MAP4K4: variants seen among roughly 807,000 people sequenced by gnomAD.
MAP4K4 encodes HPK/GCK-like kinase HGK.
Under a neutral mutation model 189.6 loss-of-function variants are expected in MAP4K4, and 38 were observed. That is an observed-to-expected ratio of 0.20 (90% CI 0.15 to 0.26). MAP4K4 has a LOEUF of 0.26. MAP4K4 is among the 10% of genes least tolerant of loss of function. MAP4K4 has a pLI of 1.00. For synonymous variants in MAP4K4, 610 were observed against 624.3 expected (o/e 0.98, Z 0.34); for missense variants, 1,054 against 1,726.9 (o/e 0.61, Z 6.91).
chr2:101,724,886 A>C (rs763755013), intron 2 of MAP4K4, among the ~76,000 whole-genome samples: 1 of 152,224 alleles, frequency 6.6e-6, no homozygotes, highest in South Asian at 2.1e-4. Context: ...TGGTGGTCCT[A>C]TAAGATTATA....
At chr2:101,866,492 A>G (rs1445914892) in exon 19 of MAP4K4, 4 of 1,613,730 alleles carry the variant, frequency 2.5e-6, no homozygotes, top group Non-Finnish European at 3.4e-6. Flanking sequence ...TGGCAGTGGC[A>G]GCTCCTCAGG....
intron 9 of MAP4K4, among the ~76,000 whole-genome samples, chr2:101,838,502 T>A (rs953304390): frequency 1.3e-5 from 2 of 152,248 alleles, no homozygotes; most frequent in African/African-American, 4.8e-5. Context: ...AACACTTCCC[T>A]ACTTTTGTTC....
rs1412077972 is a variant in MAP4K4, at chr2:101,740,354, C to T, written c.123+41816C>T. Among the ~76,000 whole-genome samples, 4 of 107,628 alleles carry T rather than the reference C, an allele frequency of 3.7e-5. 1 individual carries two copies. Among genetic ancestry groups the T allele is most frequent in the African/African-American group, 2.1e-4 (2 of 9,310 alleles). 70.6% of individuals were successfully genotyped at this position (107,628 alleles called of 152,430 possible). On this transcript the variant is annotated intron_variant, in intron 2 of 32. Transcript: ENST00000324219. The stretch of plus-strand genomic sequence containing the variant: ...ATTTTTAGTAGAGACGGGGTTTCAC[C>T]GTTTTTAGCCGGGATGGTCTCGATC...
chr2:101,729,752 C>T (rs762617569), intron 2 of MAP4K4, among the ~76,000 whole-genome samples: 21 of 152,176 alleles, frequency 1.4e-4, no homozygotes, highest in Non-Finnish European at 2.8e-4. Context: ...CCCACACCAC[C>T]CGCTCCTTGA....
intron 2 of MAP4K4, among the ~76,000 whole-genome samples, chr2:101,763,797 A>G (rs946168173): frequency 6.6e-6 from 1 of 152,210 alleles, no homozygotes; most frequent in Non-Finnish European, 1.5e-5. Context: ...TTGCTGTGAA[A>G]TACAGTTATT....
At chr2:101,759,223 G>A (rs1004530181) in intron 2 of MAP4K4, among the ~76,000 whole-genome samples, 34 of 151,800 alleles carry the variant, frequency 2.2e-4, no homozygotes, top group African/African-American at 7.5e-4. Flanking sequence ...GTTAGGTTAG[G>A]CTTTTCTCTC....
chr2:101,856,009 G>GC lies in MAP4K4; in HGVS notation c.1267dup (p.Gln423ProfsTer4). On this transcript the variant is annotated frameshift_variant, in exon 13 of 33. Transcript: ENST00000324219. LOFTEE classifies it high-confidence loss of function. ...GGAGAGAGCGGGAAGCTAGAAGGCA[G>GC]CAGGAACGTGAACAGCGAAGGAGAG... The GC allele has an allele frequency of 6.4e-7, 1 of 1,551,552 alleles. No individual in the cohort carries two copies. The highest frequency in any genetic ancestry group is 8.7e-7 in the Non-Finnish European group (1 of 1,146,912).
exon 33 of MAP4K4, chr2:101,893,849 G>A (rs933943117): frequency 6.5e-6 from 1 of 152,816 alleles, no homozygotes; most frequent in African/African-American, 2.4e-5. Flanking sequence ...CAGGCACCCG[G>A]TGGGCACTCT....
chr2:101,793,866 C>T (rs2093334663), intron 3 of MAP4K4, among the ~76,000 whole-genome samples: 1 of 152,130 alleles, frequency 6.6e-6, no homozygotes, highest in South Asian at 2.1e-4. Context: ...ACTTGCTTTA[C>T]TTGATTATGT....
intron 2 of MAP4K4, among the ~76,000 whole-genome samples, chr2:101,737,049 A>G (rs1274483182): frequency 2.6e-5 from 4 of 152,222 alleles, no homozygotes; most frequent in African/African-American, 7.2e-5. Flanking sequence ...TTTGATTATG[A>G]AAAGTTAGTC....
At chr2:101,813,234 A>G (rs960370503) in intron 3 of MAP4K4, among the ~76,000 whole-genome samples, 4 of 152,202 alleles carry the variant, frequency 2.6e-5, no homozygotes, top group Admixed American at 6.5e-5. Flanking sequence ...TAAAATTTGT[A>G]TTTTCAACAA....
exon 33 of MAP4K4, chr2:101,892,933 A>G: frequency 4.4e-6 from 2 of 456,394 alleles, no homozygotes; most frequent in African/African-American, 4.0e-5. Context: ...AGTGGAAATA[A>G]CTGCATTATG....
intron 3 of MAP4K4, among the ~76,000 whole-genome samples, chr2:101,822,381 G>A (rs143241008): frequency 9.2e-5 from 14 of 152,238 alleles, no homozygotes; most frequent in Non-Finnish European, 1.9e-4. Flanking sequence ...GTTATGTAGT[G>A]CATGACTGTA....
chr2:101,842,245 G>C (rs1388967181), intron 10 of MAP4K4, among the ~76,000 whole-genome samples: 1 of 152,096 alleles, frequency 6.6e-6, no homozygotes, highest in Non-Finnish European at 1.5e-5. Context: ...ATATCTTTTT[G>C]AATTTTGCCA....
At chr2:101,756,924 G>C (rs2073162208) in intron 2 of MAP4K4, among the ~76,000 whole-genome samples, 1 of 152,038 alleles carries the variant, frequency 6.6e-6, no homozygotes, top group Non-Finnish European at 1.5e-5. Flanking sequence ...AAATTACTCT[G>C]CTATGAAAAG....
intron 3 of MAP4K4, chr2:101,797,117 T>C: frequency 1.3e-6 from 1 of 769,598 alleles, no homozygotes. Flanking sequence ...TGAACAATTT[T>C]ACCCTTTTCA....
At chr2:101,840,093 C>A in intron 10 of MAP4K4, 99 bp downstream of exon 10, 1 of 1,169,972 alleles carries the variant, frequency 8.5e-7, no homozygotes, top group Non-Finnish European at 1.2e-6. Flanking sequence ...AGAGTGCTCA[C>A]TTGGCCAGTG....
At chr2:101,778,694 T>A (rs1033471039) in intron 2 of MAP4K4, among the ~76,000 whole-genome samples, 2 of 152,154 alleles carry the variant, frequency 1.3e-5, no homozygotes, top group African/African-American at 4.8e-5. Context: ...GGGAGTCGTA[T>A]GAAGGGACAT....
rs535197680 is a variant in MAP4K4 at position 101,865,595 on chromosome 2, AT to A, written c.2204+560del. 5.7e-3 allele frequency among the ~76,000 whole-genome samples: 862 copies of A among 152,340 alleles called. 8 individuals carry two copies. The highest frequency in any genetic ancestry group is 0.02 in the African/African-American group (811 of 41,580). ...AACTTCATTCCTTAGTGCACTGGGT[AT>A]ATTCATGAGCTCTATAGCCACATAT... On this transcript the variant is annotated intron_variant, in intron 18 of 32. Transcript: ENST00000324219.
Sources: allele counts gnomAD v4.1 joint callset (sites outside exome capture counted in the v4.1 genomes callset), GRCh38; gene constraint gnomAD v4.1.1; transcripts MANE v1.5; gene names NCBI Gene and HGNC (gene_info 2026-07-23, HGNC 2026-07-21).